The following TRPM5 variants were observed in gnomAD, a reference collection of about 807,000 sequenced individuals.
The protein encoded by TRPM5 is MLSN1 and TRP-related.
Under a neutral mutation model 124.9 loss-of-function variants are expected in TRPM5, and 121 were observed. That is an observed-to-expected ratio of 0.97 (90% CI 0.84 to 1.13). The LOEUF (loss-of-function observed/expected upper bound fraction) is 1.13. Ranked by LOEUF, TRPM5 falls within the 50% of genes most tolerant of loss-of-function variation. The pLI, the probability that TRPM5 is intolerant of heterozygous loss-of-function variation, is 0.00. For missense variants in TRPM5, 1,643 were observed against 1,589.1 expected, an observed-to-expected ratio of 1.03 and a Z score of -0.58; for synonymous variants, 781 against 700.5, an observed-to-expected ratio of 1.11 and a Z score of -1.81.
the TRPM5 span, among the ~76,000 whole-genome samples, chr11:2,440,009 TA>T: frequency 2.0e-5 from 3 of 152,104 alleles, no homozygotes; most frequent in Non-Finnish European, 4.4e-5. This position sits in a 1 kb window ranked among gnomAD's most constrained non-coding sequence, Gnocchi z 5.2. Flanking sequence ...TGAAAAAGAA[TA>T]AAACCATGTC....
At chr11:2,425,062 C>A (rs888610348), upstream of TRPM5, among the ~76,000 whole-genome samples, 4 of 152,202 alleles carry the variant, frequency 2.6e-5, no homozygotes, top group African/African-American at 9.6e-5. Context: ...TACGGCCTCC[C>A]GCGCTGGTGG....
chr11:2,411,557 T>G, intron 17 of TRPM5, 31 bp from the exon 23 acceptor site: 1 of 1,607,710 alleles, frequency 6.2e-7, no homozygotes, highest in Non-Finnish European at 8.5e-7. Flanking sequence ...GAGAGGGACG[T>G]CAGCGGCCAG....
At chr11:2,432,899 G>A in the TRPM5 span, among the ~76,000 whole-genome samples, 11 of 152,188 alleles carry the variant, frequency 7.2e-5, no homozygotes, top group South Asian at 2.1e-4. Context: ...GGGGCAGCCC[G>A]AAGCCATGCA....
chr11:2,409,562 G>C (rs753384037), intron 18 of TRPM5, among the ~76,000 whole-genome samples: 3 of 152,200 alleles, frequency 2.0e-5, no homozygotes, highest in Non-Finnish European at 2.9e-5. Context: ...GCTCTGAGGA[G>C]ACCTGCAGGC....
At chr11:2,439,702 C>T in the TRPM5 span, among the ~76,000 whole-genome samples, 3 of 152,152 alleles carry the variant, frequency 2.0e-5, no homozygotes, top group Admixed American at 6.6e-5. Context: ...GTGAGCAGAA[C>T]AGGGAACGCT....
the TRPM5 span, among the ~76,000 whole-genome samples, chr11:2,442,468 A>G: frequency 6.6e-6 from 1 of 151,912 alleles, no homozygotes; most frequent in African/African-American, 2.4e-5. The surrounding 1 kb of genome is among the most constrained non-coding windows in gnomAD (Gnocchi z 5.9). Context: ...CATATTGATC[A>G]TGGCACTCCA....
chr11:2,406,544 G>GCCCCTA (rs1470344396), intron 21 of TRPM5, 117 bp downstream of exon 26: 3 of 1,381,636 alleles, frequency 2.2e-6, no homozygotes, highest in Non-Finnish European at 3.0e-6. Flanking sequence ...CCAGAGCCCT[G>GCCCCTA]CCCCTACCCC....
the TRPM5 span, among the ~76,000 whole-genome samples, chr11:2,430,259 C>G: frequency 6.7e-6 from 1 of 149,404 alleles, no homozygotes; most frequent in African/African-American, 2.5e-5. Context: ...CTGGCAGAAC[C>G]TGGAGTGGGT....
intron 13 of TRPM5, 46 bp downstream of exon 18, chr11:2,413,430 C>G (rs762803004): frequency 1.3e-6 from 2 of 1,539,528 alleles, no homozygotes; most frequent in Non-Finnish European, 1.8e-6. Context: ...CTCCGGCACT[C>G]GCACTGCTGC....
At chr11:2,424,561 C>T (rs1453803995), upstream of TRPM5, among the ~76,000 whole-genome samples, 2 of 152,164 alleles carry the variant, frequency 1.3e-5, no homozygotes, top group Admixed American at 6.5e-5. Flanking sequence ...GACATTTGGA[C>T]GTAGAGACAG....
chr11:2,404,985 T>G lies in TRPM5; in HGVS notation c.3450A>C (p.Leu1150Phe), dbSNP rs146499189. The change falls in exon 24 of 24, where the codon TTA becomes TTC. Residue 1150 changes from leucine (L) to phenylalanine (F), a missense_variant. Leu to Phe is a conservative substitution (Grantham distance 22). Transcript: ENST00000155858. ...CAGCCCCGGGTTGTTCCCAGCCATC[T>G]AAACCACCTCTGTGGTCAGCAGCCA... 6.7e-5 allele frequency: 108 copies of G among 1,612,794 alleles called. No homozygotes were observed. The African/African-American group carries it at 1.4e-3, about 20-fold the overall frequency.
At position 2,417,813 on chromosome 11, in the gene TRPM5, G is replaced by T. The variant is rs143111698; in HGVS notation, c.923C>A (p.Ser308Ter). 25 of 1,581,670 alleles carry T rather than the reference G, an allele frequency of 1.6e-5. No homozygotes were observed. In the African/African-American group the frequency reaches 2.9e-4, roughly 19 times the overall value. ...ATACACGGTGAGCAGGTGCTGGTGT[G>T]AGGTGATGTTCTGCAGCTGGGCACC... Residue 308 changes from serine to a stop codon, truncating the protein, a stop_gained, in exon 7 of 24, where the codon TCA (serine) becomes TAA (stop). Coordinates refer to ENST00000155858, the Ensembl canonical transcript of TRPM5. LOFTEE classifies it high-confidence loss of function.
intron 4 of TRPM5, 83 bp downstream of exon 9, chr11:2,420,139 G>A (rs1401347772): frequency 7.5e-6 from 11 of 1,467,638 alleles, no homozygotes; most frequent in African/African-American, 1.4e-5. Flanking sequence ...TCTCCCTGGC[G>A]GTCACCCCCA....
At chr11:2,423,986 C>T (rs778547467), upstream of TRPM5, among the ~76,000 whole-genome samples, 27 of 152,160 alleles carry the variant, frequency 1.8e-4, no homozygotes, top group Non-Finnish European at 7.3e-5. Flanking sequence ...CCTGGCAGGC[C>T]GAGGGCACCT....
rs1347836661 is a variant in TRPM5 at position 2,420,415 on chromosome 11, T to C, written c.466-10A>G. On this transcript the variant is annotated splice_polypyrimidine_tract_variant and intron_variant, in intron 3 of 23. Coordinates refer to ENST00000155858, the Ensembl canonical transcript of TRPM5. ...GGACAGGAAAATCCTCCTGCGCCCA[T>C]GCAGGGAGACGAGGCTGAGCCCTCG... 1.3e-6 allele frequency: 2 copies of C among 1,599,238 alleles called. No homozygotes were observed. Among genetic ancestry groups the C allele is most frequent in the East Asian group, 2.2e-5 (1 of 44,454 alleles).
At chr11:2,406,678 C>T (rs757774385) in exon 21 of TRPM5, 1 of 1,611,820 alleles carries the variant, frequency 6.2e-7, no homozygotes, top group South Asian at 1.1e-5. Flanking sequence ...CGGTTTTCCG[C>T]AGCACCTCCC....
intron 19 of TRPM5, 146 bp from the exon 25 acceptor site, chr11:2,407,446 G>A (rs1013774359): frequency 2.0e-5 from 16 of 808,528 alleles, no homozygotes; most frequent in African/African-American, 1.0e-4. Context: ...GGTGTGTCAC[G>A]AGGGGTCCAC....
chr11:2,407,662 A>G (rs2133500312), intron 19 of TRPM5, 97 bp downstream of exon 24: 2 of 1,480,514 alleles, frequency 1.4e-6, no homozygotes, highest in Non-Finnish European at 1.9e-6. Flanking sequence ...CACCCTCTGC[A>G]GCACACCAGG....
At chr11:2,405,381 C>T (rs548753606) in intron 23 of TRPM5, 146 bp downstream of exon 28, 1 of 839,190 alleles carries the variant, frequency 1.2e-6, no homozygotes. Flanking sequence ...CCACACCACC[C>T]TGAAGAGCCG....
Sources: gnomAD v4.1 joint callset for allele counts (sites outside exome capture counted in the v4.1 genomes callset) on GRCh38, gnomAD v4.1.1 for gene constraint, Gnocchi (gnomAD v3.1) non-coding constraint, MANE v1.5 for transcripts, NCBI Gene and HGNC (gene_info 2026-07-23, HGNC 2026-07-21) for gene names.